The following COBLL1 variants were observed in gnomAD, a reference collection of about 807,000 sequenced individuals.
COBLL1 encodes the protein cordon-bleu WH2 repeat protein like 1, also known as cordon-bleu protein-like 1.
In COBLL1, 50 loss-of-function variants were observed where a neutral mutation model predicts 94.8. The ratio of observed to expected loss-of-function variants is 0.53; its 90% CI spans 0.42 to 0.67. The LOEUF (loss-of-function observed/expected upper bound fraction) is 0.67, where lower values mean the gene tolerates loss of function less well. Among genes scored for constraint, COBLL1 ranks in the 30% least tolerant of loss-of-function variants. The pLI is 0.00. For synonymous variants in COBLL1, 448 were observed against 473.8 expected (o/e 0.95, Z 0.71); for missense variants, 1,362 against 1,348.7 (o/e 1.01, Z -0.15).
At chr2:164,749,285 G>C (rs1321511328) in intron 2 of COBLL1, among the ~76,000 whole-genome samples, 1 of 152,046 alleles carries the variant, frequency 6.6e-6, no homozygotes, top group South Asian at 2.1e-4. Context: ...ATTCAGAAAA[G>C]TGCTATACAA....
In COBLL1 at chr2:164,807,096, ATTG is replaced by A. The variant is rs888627987; in HGVS notation, c.41+34057_41+34059del. ...AACTCTGGAAAGCCATTACAACATT[ATTG>A]TTCTCTTTTTCATTAAATTTTCAAG... On this transcript the variant is annotated intron_variant, in intron 2 of 13. Transcript: ENST00000652658. 5.9e-5 allele frequency among the ~76,000 whole-genome samples: 9 copies of A among 152,084 alleles called. 1 individual carries two copies. Among genetic ancestry groups the A allele is most frequent in the Admixed American group, 1.3e-4 (2 of 15,262 alleles).
At chr2:164,814,750 AT>A (rs1331291616) in intron 2 of COBLL1, among the ~76,000 whole-genome samples, 208 of 152,314 alleles carry the variant, frequency 1.4e-3, no homozygotes, top group African/African-American at 4.8e-3. Context: ...TACATACAAA[AT>A]ACCTCAATTC....
intron 2 of COBLL1, among the ~76,000 whole-genome samples, chr2:164,804,107 T>C (rs1291568424): frequency 1.2e-5 from 1 of 81,600 alleles, no homozygotes; most frequent in Non-Finnish European, 2.4e-5. Flanking sequence ...TGTTAGGCCT[T>C]AGCAAAAAAA....
downstream of COBLL1, among the ~76,000 whole-genome samples, chr2:164,676,276 C>G (rs554810400): frequency 2.0e-5 from 3 of 152,152 alleles, no homozygotes; most frequent in South Asian, 6.2e-4. Flanking sequence ...ACTCCTTTCA[C>G]TAAACACACA....
At chr2:164,752,656 C>T (rs1282230292) in intron 2 of COBLL1, among the ~76,000 whole-genome samples, 1 of 152,070 alleles carries the variant, frequency 6.6e-6, no homozygotes, top group African/African-American at 2.4e-5. Flanking sequence ...TCCCCACTAC[C>T]CAATAACCCT....
intron 2 of COBLL1, among the ~76,000 whole-genome samples, chr2:164,784,937 G>A (rs1415931277): frequency 6.6e-6 from 1 of 151,830 alleles, no homozygotes; most frequent in Non-Finnish European, 1.5e-5. Context: ...GTTGGGAGGT[G>A]GGGCCTAATG....
chr2:164,723,594 T>A (rs1435565568), intron 5 of COBLL1: 13 of 152,102 alleles, frequency 8.5e-5, no homozygotes, highest in Admixed American at 8.5e-4. Flanking sequence ...ATAAGGATAA[T>A]TTGGACATCA....
At chr2:164,712,708 TAGA>T (rs1684959429) in intron 7 of COBLL1, among the ~76,000 whole-genome samples, 1 of 151,968 alleles carries the variant, frequency 6.6e-6, no homozygotes, top group Admixed American at 6.6e-5. Flanking sequence ...AAATGTAATT[TAGA>T]AGAATGAGGT....
intron 2 of COBLL1, among the ~76,000 whole-genome samples, chr2:164,766,723 T>C (rs1273273875): frequency 1.3e-5 from 2 of 152,188 alleles, no homozygotes; most frequent in Admixed American, 6.5e-5. Flanking sequence ...AGCATAGATA[T>C]ATAGCATGTT....
intron 2 of COBLL1, among the ~76,000 whole-genome samples, chr2:164,744,456 C>T (rs1202093806): frequency 6.6e-6 from 1 of 152,072 alleles, no homozygotes; most frequent in Non-Finnish European, 1.5e-5. Flanking sequence ...ATAGATGTAA[C>T]TTTTTAGATC....
At chr2:164,807,293 GA>G (rs34980983) in intron 2 of COBLL1, among the ~76,000 whole-genome samples, 29,728 of 149,228 alleles carry the variant, frequency 0.2, 3,028 homozygotes, top group Middle Eastern at 0.27. Context: ...TAAAAATTTA[GA>G]AAAAAAAAAT....
chr2:164,675,858 C>T (rs1414910330), downstream of COBLL1, among the ~76,000 whole-genome samples: 1 of 152,172 alleles, frequency 6.6e-6, no homozygotes, highest in African/African-American at 2.4e-5. Context: ...GCACTGGCCA[C>T]CTGCTGCCAA....
At chr2:164,725,775 T>C (rs1685696768) in intron 5 of COBLL1, among the ~76,000 whole-genome samples, 1 of 152,176 alleles carries the variant, frequency 6.6e-6, no homozygotes, top group South Asian at 2.1e-4. Flanking sequence ...TCCACACTAG[T>C]TAGCCATTAA....
chr2:164,785,922 AT>A (rs10571352), intron 2 of COBLL1, among the ~76,000 whole-genome samples: 49,481 of 150,030 alleles, frequency 0.33, 8,376 homozygotes, highest in Non-Finnish European at 0.36. Flanking sequence ...CAAAAGGTAG[AT>A]TTTTTTTTTT....
chr2:164,749,572 G>A (rs931345809), intron 2 of COBLL1, among the ~76,000 whole-genome samples: 3 of 152,114 alleles, frequency 2.0e-5, no homozygotes, highest in Non-Finnish European at 4.4e-5. Flanking sequence ...CAGTTTCTCT[G>A]TCTGGGTTTA....
chr2:164,677,848 C>T (rs530875073), downstream of COBLL1, among the ~76,000 whole-genome samples: 61 of 152,310 alleles, frequency 4.0e-4, no homozygotes, highest in Non-Finnish European at 6.9e-4. Flanking sequence ...AGAATTCCCT[C>T]TTATTTTTCA....
intron 2 of COBLL1, among the ~76,000 whole-genome samples, chr2:164,781,865 C>A (rs1559010350): frequency 6.6e-6 from 1 of 152,126 alleles, no homozygotes; most frequent in Non-Finnish European, 1.5e-5. Context: ...AAAAGTATAA[C>A]AAGGTATTCA....
At chr2:164,765,971 C>T (rs1003899134) in intron 2 of COBLL1, among the ~76,000 whole-genome samples, 1 of 152,102 alleles carries the variant, frequency 6.6e-6, no homozygotes, top group Non-Finnish European at 1.5e-5. Flanking sequence ...AACCTCCAGC[C>T]TCAGGCACCC....
intron 13 of COBLL1, among the ~76,000 whole-genome samples, chr2:164,691,006 C>T (rs912216783): frequency 1.3e-5 from 2 of 152,152 alleles, no homozygotes; most frequent in Non-Finnish European, 2.9e-5. Flanking sequence ...AATTGTTATG[C>T]TGCCTGGCAC....
Sources: allele counts gnomAD v4.1 joint callset (sites outside exome capture counted in the v4.1 genomes callset), GRCh38; gene constraint gnomAD v4.1.1; transcripts MANE v1.5; gene names NCBI Gene and HGNC (gene_info 2026-07-23, HGNC 2026-07-21).